The following PPP1R12A variants were observed in gnomAD, a reference collection of about 807,000 sequenced individuals.
The protein encoded by PPP1R12A is protein phosphatase 1 regulatory subunit 12A.
A neutral mutation model predicts 139.6 loss-of-function variants in PPP1R12A; 19 were observed. The ratio of observed to expected loss-of-function variants is 0.14; its 90% CI spans 0.09 to 0.20. PPP1R12A has a LOEUF of 0.20. PPP1R12A is among the 10% of genes least tolerant of loss of function. The pLI is 1.00. For synonymous variants in PPP1R12A, 427 were observed against 420.6 expected, an observed-to-expected ratio of 1.02 and a Z score of -0.19; for missense variants, 925 against 1,211.5, an observed-to-expected ratio of 0.76 and a Z score of 3.51.
At chr12:79,789,389 T>C (rs1434242159) in intron 20 of PPP1R12A, among the ~76,000 whole-genome samples, 2 of 152,218 alleles carry the variant, frequency 1.3e-5, no homozygotes, top group Non-Finnish European at 2.9e-5. Context: ...TGGCTTACAA[T>C]TGATGATGCA....
At chr12:79,896,110 G>A (rs1216825489) in intron 1 of PPP1R12A, among the ~76,000 whole-genome samples, 1 of 152,064 alleles carries the variant, frequency 6.6e-6, no homozygotes, top group Admixed American at 6.6e-5. Context: ...GAATTAAGGA[G>A]AGATAAGAAG....
chr12:79,845,202 T>A, intron 3 of PPP1R12A, 100 bp downstream of exon 3: 1 of 872,310 alleles, frequency 1.1e-6, no homozygotes, highest in Non-Finnish European at 1.8e-6. Flanking sequence ...ATTTTTTTCA[T>A]GAAATTATGA....
intron 2 of PPP1R12A, among the ~76,000 whole-genome samples, chr12:79,850,205 TTAGA>T (rs1158838030): frequency 6.6e-6 from 1 of 152,204 alleles, no homozygotes; most frequent in Non-Finnish European, 1.5e-5. Flanking sequence ...TTTGATAATT[TTAGA>T]TAGATAAATG....
intron 1 of PPP1R12A, among the ~76,000 whole-genome samples, chr12:79,912,856 T>G (rs1886692937): frequency 6.6e-6 from 1 of 152,230 alleles, no homozygotes; most frequent in South Asian, 2.1e-4. Flanking sequence ...TTAAAATGTA[T>G]GTTAATCCAT....
intron 6 of PPP1R12A, 128 bp from the exon 7 acceptor site, chr12:79,821,294 A>G: frequency 1.6e-6 from 1 of 633,048 alleles, no homozygotes; most frequent in Non-Finnish European, 2.6e-6. Context: ...AAATAAATAA[A>G]TTAAGTTTTA....
chr12:79,870,541 T>C (rs1276886020), intron 2 of PPP1R12A, among the ~76,000 whole-genome samples: 1 of 152,214 alleles, frequency 6.6e-6, no homozygotes, highest in Non-Finnish European at 1.5e-5. Context: ...AAGAATCTTG[T>C]GGCAGAAAGA....
chr12:79,863,877 C>A (rs1180397272), intron 2 of PPP1R12A, among the ~76,000 whole-genome samples: 1 of 152,080 alleles, frequency 6.6e-6, no homozygotes, highest in Non-Finnish European at 1.5e-5. Flanking sequence ...TAGACTTCCA[C>A]ACAATAATAG....
chr12:79,916,905 T>C (rs773167069), intron 1 of PPP1R12A, among the ~76,000 whole-genome samples: 59 of 150,760 alleles, frequency 3.9e-4, no homozygotes, highest in Non-Finnish European at 7.7e-4. Flanking sequence ...AGATTTTTCT[T>C]TTTTTTTTTC....
In PPP1R12A at chr12:79,774,864, G is replaced by C. The variant is rs117748424; in HGVS notation, c.*1065C>G. On this transcript the variant is annotated 3_prime_UTR_variant, in exon 25 of 25. Coordinates refer to ENST00000450142, the MANE Select transcript of PPP1R12A (RefSeq NM_002480.3). ...AATTATCTTATGCAACTTTAATTAT[G>C]GTTGAGTACTATCAAGTGAAAACTG... 3 of 152,490 alleles carry C rather than the reference G, an allele frequency of 2.0e-5. No individual in the cohort carries two copies. The highest frequency in any genetic ancestry group is 3.9e-4 in the East Asian group (2 of 5,182). 9.4% of individuals were successfully genotyped at this position (152,490 alleles called of 1,614,324 possible).
At chr12:79,832,562 A>T (rs1877556441) in intron 3 of PPP1R12A, 71 bp from the exon 4 acceptor site, 1 of 1,370,534 alleles carries the variant, frequency 7.3e-7, no homozygotes. Flanking sequence ...AAAACTATCC[A>T]AAACATGTCA....
Position 79,805,578 on chromosome 12 carries a change from T to G in PPP1R12A, c.2000+14A>C. On this transcript the variant is annotated intron_variant, in intron 14 of 24. Coordinates refer to ENST00000450142, the MANE Select transcript of PPP1R12A (RefSeq NM_002480.3). ...GCAAGATATATCAGCAGTACTGTTA[T>G]GACCTTTACACACCTGCGTCTCTCC... The G allele has an allele frequency of 6.2e-7, 1 of 1,612,802 alleles. No homozygotes were observed. The highest frequency in any genetic ancestry group is 8.5e-7 in the Non-Finnish European group (1 of 1,179,156).
At chr12:79,869,993 A>T (rs1882400874) in intron 2 of PPP1R12A, among the ~76,000 whole-genome samples, 1 of 151,610 alleles carries the variant, frequency 6.6e-6, no homozygotes, top group South Asian at 2.1e-4. Flanking sequence ...TCACCCTATC[A>T]ATTAGGCCAC....
At chr12:79,932,156 C>T (rs1418148773) in intron 1 of PPP1R12A, among the ~76,000 whole-genome samples, 1 of 152,126 alleles carries the variant, frequency 6.6e-6, no homozygotes, top group African/African-American at 2.4e-5. Flanking sequence ...ATTCTACGAT[C>T]TTTTGAGAGG....
chr12:79,791,647 T>C (rs959574430), intron 19 of PPP1R12A, among the ~76,000 whole-genome samples: 3 of 152,170 alleles, frequency 2.0e-5, no homozygotes, highest in Non-Finnish European at 2.9e-5. Context: ...TTAAAAACTT[T>C]TAAGAATTGT....
intron 9 of PPP1R12A, among the ~76,000 whole-genome samples, chr12:79,815,984 T>A (rs1345440529): frequency 4.6e-5 from 7 of 151,186 alleles, no homozygotes. Context: ...AGCAGGGATT[T>A]TTTTTTTTAT....
intron 14 of PPP1R12A, among the ~76,000 whole-genome samples, chr12:79,801,959 T>C (rs546694068): frequency 6.6e-6 from 1 of 152,290 alleles, no homozygotes; most frequent in Non-Finnish European, 1.5e-5. Flanking sequence ...TTGACTTTAA[T>C]TTTATTTAGA....
chr12:79,838,738 C>G (rs576060196), intron 3 of PPP1R12A, among the ~76,000 whole-genome samples: 13 of 152,320 alleles, frequency 8.5e-5, no homozygotes, highest in African/African-American at 3.1e-4. Flanking sequence ...AAGTCAAGAA[C>G]TGAGGTTTGG....
Position 79,781,802 on chromosome 12 carries a change from G to A in PPP1R12A, c.2955+13C>T, listed in dbSNP as rs905201998. ...AAAGAAAAAAATAATTATTTAATAA[G>A]TGGGACACTTACCCTTTTTTCCATT... On this transcript the variant is annotated intron_variant, in intron 23 of 24. Coordinates refer to ENST00000450142, the MANE Select transcript of PPP1R12A (RefSeq NM_002480.3). 2 of 1,478,568 alleles carry A rather than the reference G, an allele frequency of 1.4e-6. No individual in the cohort carries two copies. The highest frequency in any genetic ancestry group is 2.8e-5 in the African/African-American group (2 of 70,936). 91.6% of individuals were successfully genotyped at this position (1,478,568 alleles called of 1,614,324 possible).
chr12:79,853,639 A>C (rs1029562967), intron 2 of PPP1R12A, among the ~76,000 whole-genome samples: 5 of 152,232 alleles, frequency 3.3e-5, no homozygotes, highest in African/African-American at 1.2e-4. Context: ...TAAACATAGG[A>C]AATGCTCAAG....
Sources: allele counts gnomAD v4.1 joint callset (sites outside exome capture counted in the v4.1 genomes callset), GRCh38; gene constraint gnomAD v4.1.1; transcripts MANE v1.5; gene names NCBI Gene and HGNC (gene_info 2026-07-23, HGNC 2026-07-21).